The following TEC variants were observed in gnomAD, a reference collection of about 807,000 sequenced individuals.
TEC encodes tec protein tyrosine kinase.
TEC carries 72 observed loss-of-function variants against 93.0 expected under a neutral mutation model. That is an observed-to-expected ratio of 0.77 (90% CI 0.64 to 0.94). The LOEUF is 0.94. Among genes scored for constraint, TEC ranks in the 40% least tolerant of loss-of-function variants. The pLI is 0.00. For missense variants in TEC, 630 were observed against 757.9 expected, an observed-to-expected ratio of 0.83 and a Z score of 1.98; for synonymous variants, 249 against 247.7, an observed-to-expected ratio of 1.01 and a Z score of -0.05.
chr4:48,188,233 T>C (rs1721965151), intron 2 of TEC, among the ~76,000 whole-genome samples: 2 of 152,212 alleles, frequency 1.3e-5, no homozygotes, highest in Admixed American at 6.5e-5. Context: ...AAGGCAGTTA[T>C]ATATAATGTA....
At position 48,137,459 on chromosome 4, in the gene TEC, G is replaced by A. The variant is rs1269931727; in HGVS notation, c.1853C>T (p.Thr618Ile). Residue 618 changes from threonine to isoleucine, a missense_variant, in exon 18 of 18, where the codon ACA becomes ATA. Physicochemically the swap from Thr to Ile is moderately conservative, Grantham distance 89. This residue lies in a region of TEC where 289 missense variants were observed against 390.0 expected (regional missense o/e 0.74). Transcript: ENST00000381501. ...TTCACATTCAACTAGTTCATCTATT[G>A]TGCGCAGCAGATCTTCGAAAGAAGG... ...GRPSFEDLLR[T>I]IDELVECEET... 2 of 1,613,994 alleles carry A rather than the reference G, an allele frequency of 1.2e-6. No homozygotes were observed. The highest frequency in any genetic ancestry group is 8.5e-7 in the Non-Finnish European group (1 of 1,180,002).
chr4:48,170,845 G>A (rs1721075001), intron 4 of TEC, among the ~76,000 whole-genome samples: 1 of 152,144 alleles, frequency 6.6e-6, no homozygotes, highest in South Asian at 2.1e-4. Flanking sequence ...GAGGTCGGGA[G>A]TTCAAGGCCA....
In TEC at chr4:48,159,963, C is replaced by T. The variant is rs537675627; in HGVS notation, c.738-3229G>A. On this transcript the variant is annotated intron_variant, in intron 8 of 17. Coordinates refer to ENST00000381501, the MANE Select transcript of TEC (RefSeq NM_003215.3). The stretch of plus-strand genomic sequence containing the variant: ...TACCTCCATAATCCAAACATCTTCC[C>T]CCAGGCCCCTGCTCCAAAATTGGGG... Among the ~76,000 whole-genome samples the T allele has an allele frequency of 2.0e-5, 3 of 152,280 alleles. No homozygotes were observed. The South Asian group carries it at 6.2e-4, about 32-fold the overall frequency.
chr4:48,164,362 T>C (rs1408141226), intron 7 of TEC, among the ~76,000 whole-genome samples: 2 of 152,160 alleles, frequency 1.3e-5, no homozygotes, highest in Non-Finnish European at 2.9e-5. Context: ...AGAAGACCTA[T>C]GTGAGGTCAA....
chr4:48,223,768 A>G (rs1723344325), intron 2 of TEC, among the ~76,000 whole-genome samples: 1 of 152,186 alleles, frequency 6.6e-6, no homozygotes, highest in South Asian at 2.1e-4. Flanking sequence ...TATTACCAAC[A>G]CTGATGAGGT....
At chr4:48,188,275 C>T (rs1009178819) in intron 2 of TEC, among the ~76,000 whole-genome samples, 9 of 152,152 alleles carry the variant, frequency 5.9e-5, no homozygotes, top group African/African-American at 2.2e-4. Flanking sequence ...TGTGGTAAGG[C>T]AGGAGTTTCA....
chr4:48,200,887 C>T (rs1722482290), intron 2 of TEC, among the ~76,000 whole-genome samples: 1 of 152,324 alleles, frequency 6.6e-6, no homozygotes, highest in Middle Eastern at 3.4e-3. Flanking sequence ...TGGATTGTAT[C>T]CACCATAGCA....
intron 15 of TEC, among the ~76,000 whole-genome samples, chr4:48,140,680 A>G (rs1021441297): frequency 6.6e-5 from 10 of 152,370 alleles, no homozygotes; most frequent in African/African-American, 2.2e-4. Context: ...TATGGACAGC[A>G]ACATTGGAAT....
At chr4:48,152,450 A>G (rs1720212423) in intron 9 of TEC, among the ~76,000 whole-genome samples, 1 of 151,450 alleles carries the variant, frequency 6.6e-6, no homozygotes, top group African/African-American at 2.4e-5. Flanking sequence ...ATAAATAAAT[A>G]AATAAATAAA....
At chr4:48,176,022 G>T in intron 3 of TEC, 60 bp downstream of exon 3, 1 of 1,318,212 alleles carries the variant, frequency 7.6e-7, no homozygotes, top group Non-Finnish European at 1.1e-6. Flanking sequence ...AAACTGTAAT[G>T]TCAAAGAGCA....
At chr4:48,197,889 C>T (rs1194180738) in intron 2 of TEC, among the ~76,000 whole-genome samples, 1 of 152,160 alleles carries the variant, frequency 6.6e-6, no homozygotes, top group East Asian at 1.9e-4. Context: ...GACAGGGTTC[C>T]CCACTTTATC....
chr4:48,137,504 A>G lies in TEC; in HGVS notation c.1813-5T>C, dbSNP rs1337696417. ...AGAAGGCCTTCCCTCTGGTTTCTAC[A>G]ATTAAAAGTCAAAGAGAAGCTGTGG... On this transcript the variant is annotated splice_region_variant and splice_polypyrimidine_tract_variant and intron_variant, in intron 17 of 17. Transcript: ENST00000381501. The G allele has an allele frequency of 3.1e-6, 5 of 1,613,680 alleles. No homozygotes were observed. The East Asian group carries it at 8.9e-5, about 29-fold the overall frequency.
rs1553896941 is a variant in TEC at position 48,265,497 on chromosome 4, G to GTA, written c.-46+4253_-46+4254dup. Among the ~76,000 whole-genome samples, 286 of 118,640 alleles carry GTA rather than the reference G, an allele frequency of 2.4e-3. 1 individual carries two copies. The highest frequency in any genetic ancestry group is 8.3e-3 in the African/African-American group (262 of 31,544). The allele number at this position is 118,640 out of a possible 152,430, so 77.8% of individuals were successfully genotyped here. Reference sequence around the variant, plus strand: ...TATATACGTGTGTGTATATATGTGTGTATATATATATATATATATTTTTTT... The same window carrying GTA: ...TATATACGTGTGTGTATATATGTGTGTATATATATATATATATATATTTTTTT... On this transcript the variant is annotated intron_variant, in intron 1 of 17. Coordinates refer to ENST00000381501, the MANE Select transcript of TEC (RefSeq NM_003215.3).
rs564148277 is a variant in TEC, at chr4:48,266,719, T to C, written c.-46+3033A>G. Reference sequence around the variant, plus strand: ...TAGGCGTGGTGGCACATGCCTGTAATCCCAACTACTCAGGAAGCCGAGGCA... The same window carrying C: ...TAGGCGTGGTGGCACATGCCTGTAACCCCAACTACTCAGGAAGCCGAGGCA... On this transcript the variant is annotated intron_variant, in intron 1 of 17. Transcript: ENST00000381501. Among the ~76,000 whole-genome samples the C allele has an allele frequency of 4.0e-5, 6 of 151,626 alleles. No individual in the cohort carries two copies. In the East Asian group the frequency reaches 9.7e-4, roughly 25 times the overall value.
At position 48,149,708 on chromosome 4, in the gene TEC, A is replaced by G. The variant is rs1247860007; in HGVS notation, c.873-18T>C. Reference sequence around the variant, plus strand: ...AACCTTCTCTAGAACAAAAATCAAAATGTGTCAGAACCAAGTTGAAATAAT... The same window carrying G: ...AACCTTCTCTAGAACAAAAATCAAAGTGTGTCAGAACCAAGTTGAAATAAT... On this transcript the variant is annotated intron_variant, in intron 10 of 17. Coordinates refer to ENST00000381501, the MANE Select transcript of TEC (RefSeq NM_003215.3). 2.5e-6 allele frequency: 4 copies of G among 1,590,184 alleles called. No homozygotes were observed. The East Asian group carries it at 9.1e-5, about 36-fold the overall frequency.
Position 48,168,566 on chromosome 4 carries a change from A to G in TEC, c.495+20T>C. On this transcript the variant is annotated intron_variant, in intron 6 of 17. Transcript: ENST00000381501. ...GCTTAAAATGTAAAGATTAACTATC[A>G]AAAGCTAAAGACCACCTACCTTCTT... 1 of 1,611,628 alleles carries G rather than the reference A, an allele frequency of 6.2e-7. No homozygotes were observed. The highest frequency in any genetic ancestry group is 1.1e-5 in the South Asian group (1 of 90,378).
chr4:48,261,265 T>C (rs1353985515), intron 1 of TEC, among the ~76,000 whole-genome samples: 2 of 152,250 alleles, frequency 1.3e-5, no homozygotes, highest in Non-Finnish European at 2.9e-5. Context: ...TCTGACAGCA[T>C]TCAAACCCAG....
intron 2 of TEC, among the ~76,000 whole-genome samples, chr4:48,187,036 G>A (rs539874815): frequency 6.6e-6 from 1 of 152,372 alleles, no homozygotes; most frequent in South Asian, 2.1e-4. Flanking sequence ...TTGTTACTGT[G>A]TCTGTGTAGA....
At chr4:48,248,904 C>T (rs1185942697) in intron 1 of TEC, among the ~76,000 whole-genome samples, 1 of 145,098 alleles carries the variant, frequency 6.9e-6, no homozygotes, top group Non-Finnish European at 1.5e-5. Flanking sequence ...GAGTTGAATT[C>T]CCCTAATTCA....
Sources: allele counts gnomAD v4.1 joint callset (sites outside exome capture counted in the v4.1 genomes callset), GRCh38; gene constraint gnomAD v4.1.1; regional missense constraint gnomAD v4.1.1; transcripts MANE v1.5; gene names NCBI Gene and HGNC (gene_info 2026-07-23, HGNC 2026-07-21).